Variants in YAF2 observed in about 807,000 individuals in gnomAD.
The protein encoded by YAF2 is YY1-associated factor 2.
In YAF2, 7 loss-of-function variants were observed where a neutral mutation model predicts 20.1. The ratio of observed to expected loss-of-function variants is 0.35; its 90% CI spans 0.20 to 0.65. The LOEUF is 0.65. Among genes scored for constraint, YAF2 ranks in the 30% least tolerant of loss-of-function variants. YAF2 has a pLI of 0.69. For synonymous variants in YAF2, 74 were observed against 76.0 expected (o/e 0.97, Z 0.14); for missense variants, 151 against 219.2 (o/e 0.69, Z 1.96).
intron 2 of YAF2, among the ~76,000 whole-genome samples, chr12:42,168,266 C>T (rs949914083): frequency 8.6e-5 from 13 of 151,446 alleles, no homozygotes; most frequent in African/African-American, 3.2e-4. Context: ...GCAACCTCCG[C>T]CTTGTGGGTT....
chr12:42,204,902 G>A (rs1458022881), intron 2 of YAF2, among the ~76,000 whole-genome samples: 1 of 152,128 alleles, frequency 6.6e-6, no homozygotes, highest in Non-Finnish European at 1.5e-5. Flanking sequence ...ATTAGTAGAT[G>A]CCTAAGGATA....
chr12:42,219,654 G>A (rs769584434), intron 2 of YAF2, among the ~76,000 whole-genome samples: 7 of 152,110 alleles, frequency 4.6e-5, no homozygotes, highest in Non-Finnish European at 8.8e-5. Context: ...AAATGTGAGG[G>A]AAAAGCTCTT....
intron 2 of YAF2, among the ~76,000 whole-genome samples, chr12:42,186,221 T>C (rs1047509805): frequency 7.0e-6 from 1 of 143,270 alleles, no homozygotes; most frequent in African/African-American, 2.6e-5. Context: ...AGGCTGGGCT[T>C]GGTGGCTCAG....
chr12:42,207,498 T>C (rs1301577287), intron 2 of YAF2, among the ~76,000 whole-genome samples: 1 of 152,106 alleles, frequency 6.6e-6, no homozygotes, highest in African/African-American at 2.4e-5. Context: ...TAATTAGAAT[T>C]TCACTATACC....
intron 2 of YAF2, among the ~76,000 whole-genome samples, chr12:42,179,660 G>A (rs533446616): frequency 5.9e-5 from 9 of 151,670 alleles, no homozygotes; most frequent in African/African-American, 9.7e-5. Context: ...GTGGTGGCAC[G>A]TGCCACCCAG....
chr12:42,162,309 C>T (rs1478118235), intron 2 of YAF2, among the ~76,000 whole-genome samples: 3 of 152,038 alleles, frequency 2.0e-5, no homozygotes, highest in Non-Finnish European at 4.4e-5. Context: ...CTCTTTTGAC[C>T]CTGGAGATCT....
intron 2 of YAF2, among the ~76,000 whole-genome samples, chr12:42,213,715 TA>T (rs1380936817): frequency 3.3e-5 from 5 of 152,246 alleles, no homozygotes; most frequent in African/African-American, 1.2e-4. Flanking sequence ...ATTATCATTT[TA>T]AAAGTACATA....
intron 2 of YAF2, chr12:42,210,947 T>G: frequency 4.4e-6 from 1 of 227,880 alleles, no homozygotes; most frequent in Non-Finnish European, 8.6e-6. Flanking sequence ...TATTTCATTT[T>G]GCTGAAACAA....
intron 2 of YAF2, among the ~76,000 whole-genome samples, chr12:42,170,353 T>C (rs1434085684): frequency 6.6e-6 from 1 of 152,234 alleles, no homozygotes; most frequent in Admixed American, 6.5e-5. Flanking sequence ...TCCTGAATCT[T>C]CCATCTTTCC....
At chr12:42,199,068 A>C in intron 2 of YAF2, 2 of 800,728 alleles carry the variant, frequency 2.5e-6, no homozygotes, top group Non-Finnish European at 3.4e-6. Flanking sequence ...TTGTTCCTTT[A>C]GTATTAATTT....
intron 2 of YAF2, among the ~76,000 whole-genome samples, chr12:42,205,068 A>C (rs920686846): frequency 2.0e-5 from 3 of 150,980 alleles, no homozygotes; most frequent in Non-Finnish European, 1.5e-5. Context: ...AAAAAAAAAA[A>C]CCACCTATTC....
At chr12:42,200,279 T>C (rs2066863689) in intron 2 of YAF2, among the ~76,000 whole-genome samples, 1 of 152,186 alleles carries the variant, frequency 6.6e-6, no homozygotes, top group Non-Finnish European at 1.5e-5. Context: ...GTGACAAGGA[T>C]AGAGAAACAA....
intron 2 of YAF2, among the ~76,000 whole-genome samples, chr12:42,221,367 T>C (rs1165153955): frequency 6.6e-6 from 1 of 152,070 alleles, no homozygotes; most frequent in Non-Finnish European, 1.5e-5. Context: ...GAGGCAAAGT[T>C]TGAGACCAGG....
chr12:42,194,648 T>C (rs1255796679), intron 2 of YAF2, among the ~76,000 whole-genome samples: 1 of 152,146 alleles, frequency 6.6e-6, no homozygotes, highest in Non-Finnish European at 1.5e-5. Context: ...TTCTTATATA[T>C]CTAATTATGT....
chr12:42,199,536 A>T (rs1368768348), intron 2 of YAF2: 3 of 184,262 alleles, frequency 1.6e-5, no homozygotes, highest in African/African-American at 2.4e-5. Context: ...ATGAAATAGT[A>T]CCATTACTTT....
intron 2 of YAF2, chr12:42,210,733 GAAC>G: frequency 6.8e-7 from 1 of 1,468,474 alleles, no homozygotes; most frequent in Non-Finnish European, 9.1e-7. Context: ...ATCACACGTA[GAAC>G]TACAGAAGAA....
intron 2 of YAF2, among the ~76,000 whole-genome samples, chr12:42,198,005 C>A (rs2066798520): frequency 6.6e-6 from 1 of 151,548 alleles, no homozygotes; most frequent in Non-Finnish European, 1.5e-5. Context: ...ATAGTATCTA[C>A]TAGGAAAAAA....
At position 42,186,529 on chromosome 12, in the gene YAF2, A is replaced by G. The variant is rs530888803; in HGVS notation, c.153-24764T>C. ...CGTCTCTACTAAAAATACAAAAATT[A>G]GCTGGGCATAGTGGCGGGTGCCTGT... is the stretch of plus-strand genomic sequence containing the variant. On this transcript the variant is annotated intron_variant, in intron 2 of 3. Coordinates refer to ENST00000534854, the MANE Select transcript of YAF2 (RefSeq NM_005748.6). 9.9e-5 allele frequency among the ~76,000 whole-genome samples: 15 copies of G among 152,040 alleles called. No individual in the cohort carries two copies. In the South Asian group the frequency reaches 2.1e-3, roughly 21 times the overall value.
intron 2 of YAF2, among the ~76,000 whole-genome samples, chr12:42,168,225 C>G (rs1342520080): frequency 6.9e-6 from 1 of 144,442 alleles, no homozygotes. Flanking sequence ...GTTGCCCGGG[C>G]TGGAGTGCAA....
Sources: allele counts gnomAD v4.1 joint callset (sites outside exome capture counted in the v4.1 genomes callset), GRCh38; gene constraint gnomAD v4.1.1; transcripts MANE v1.5; gene names NCBI Gene and HGNC (gene_info 2026-07-23, HGNC 2026-07-21).